Variants in PTPN11 observed in about 807,000 individuals in gnomAD.
PTPN11 encodes the protein protein tyrosine phosphatase non-receptor type 11, also known as tyrosine-protein phosphatase non-receptor type 11.
In PTPN11, 6 loss-of-function variants were observed where a neutral mutation model predicts 78.8. The ratio of observed to expected loss-of-function variants is 0.08; its 90% confidence interval spans 0.04 to 0.15. PTPN11 has a LOEUF of 0.15. PTPN11 is among the 10% of genes least tolerant of loss of function. The pLI, the probability that PTPN11 is intolerant of heterozygous loss-of-function variation, is 1.00. For synonymous variants in PTPN11, 221 were observed against 263.5 expected (o/e 0.84, Z 1.56); for missense variants, 386 against 744.8 (o/e 0.52, Z 5.61).
At chr12:112,429,481 CTT>C (rs1177861343) in intron 1 of PTPN11, among the ~76,000 whole-genome samples, 19 of 110,826 alleles carry the variant, frequency 1.7e-4, no homozygotes, top group African/African-American at 3.1e-4. Flanking sequence ...GTTGAAACTA[CTT>C]TTTTTTTTTT....
chr12:112,491,420 TA>T (rs2038743386), intron 13 of PTPN11, among the ~76,000 whole-genome samples: 1 of 152,208 alleles, frequency 6.6e-6, no homozygotes, highest in Admixed American at 6.5e-5. Flanking sequence ...TTTTAAAAAG[TA>T]AAATGTTTGT....
chr12:112,453,036 G>A (rs2038099923), intron 3 of PTPN11, among the ~76,000 whole-genome samples, 159 bp from the exon 4 acceptor site: 1 of 152,158 alleles, frequency 6.6e-6, no homozygotes, highest in African/African-American at 2.4e-5. Context: ...TGCATGGGAT[G>A]CAGATTTTCT....
At chr12:112,441,209 C>T (rs1358967223) in intron 1 of PTPN11, among the ~76,000 whole-genome samples, 1 of 151,694 alleles carries the variant, frequency 6.6e-6, no homozygotes, top group African/African-American at 2.4e-5. Context: ...GGTGATCCAC[C>T]TGCCTCGGCC....
intron 6 of PTPN11, among the ~76,000 whole-genome samples, chr12:112,460,644 C>G (rs1404034660): frequency 1.3e-5 from 2 of 151,964 alleles, no homozygotes; most frequent in East Asian, 3.9e-4. Flanking sequence ...GAGATCGAGA[C>G]CATCCTGGCC....
At chr12:112,446,646 C>T (rs1181766082) in intron 2 of PTPN11, among the ~76,000 whole-genome samples, 1 of 152,160 alleles carries the variant, frequency 6.6e-6, no homozygotes, top group African/African-American at 2.4e-5. Flanking sequence ...TTAAGCCCTC[C>T]AGTGCTTGAG....
intron 13 of PTPN11, among the ~76,000 whole-genome samples, chr12:112,489,453 G>C (rs2038719675): frequency 6.6e-6 from 1 of 152,196 alleles, no homozygotes; most frequent in Non-Finnish European, 1.5e-5. Flanking sequence ...GATGTTCTCA[G>C]GCTCATGTGG....
chr12:112,488,794 A>G (rs1483577311), intron 12 of PTPN11, among the ~76,000 whole-genome samples: 5 of 152,126 alleles, frequency 3.3e-5, no homozygotes, highest in African/African-American at 1.2e-4. Context: ...GTATGGGGTG[A>G]TTTGTTGGCA....
chr12:112,470,257 G>A (rs1361317721), intron 6 of PTPN11, among the ~76,000 whole-genome samples: 2 of 152,206 alleles, frequency 1.3e-5, no homozygotes, highest in South Asian at 2.1e-4. Context: ...CAGACCACAC[G>A]TGGAGTAGCC....
At chr12:112,481,135 A>G (rs972652345) in intron 9 of PTPN11, among the ~76,000 whole-genome samples, 3 of 152,172 alleles carry the variant, frequency 2.0e-5, no homozygotes, top group Non-Finnish European at 4.4e-5. Flanking sequence ...TCAAAACCCC[A>G]TGGGCTGCCT....
intron 6 of PTPN11, among the ~76,000 whole-genome samples, chr12:112,459,191 C>G (rs981950365): frequency 2.6e-5 from 4 of 152,118 alleles, no homozygotes; most frequent in Admixed American, 2.6e-4. Context: ...TTCATAAAGC[C>G]TCATGAGGTA....
chr12:112,494,997 G>A (rs1437584248), intron 13 of PTPN11, among the ~76,000 whole-genome samples: 1 of 152,152 alleles, frequency 6.6e-6, no homozygotes, highest in Non-Finnish European at 1.5e-5. Flanking sequence ...GGTTAGATAT[G>A]TTAAATGCAT....
At chr12:112,461,223 A>G (rs2038241405) in intron 6 of PTPN11, among the ~76,000 whole-genome samples, 1 of 151,948 alleles carries the variant, frequency 6.6e-6, no homozygotes, top group African/African-American at 2.4e-5. Flanking sequence ...TATGGTAGTG[A>G]TATTGTAATT....
Position 112,454,412 on chromosome 12 carries a change from A to T in PTPN11, c.526-152A>T, listed in dbSNP as rs985284254. 5.6e-6 allele frequency: 4 copies of T among 712,246 alleles called. No homozygotes were observed. The African/African-American group carries it at 7.0e-5, about 12-fold the overall frequency. The allele number at this position is 712,246 out of a possible 1,614,324, so 44.1% of individuals were successfully genotyped here. The stretch of plus-strand genomic sequence containing the variant: ...TGGAATTACTGGCGTGAGCCACTGC[A>T]CCCAGCCTATTATCTGTCTTTTGAT... On this transcript the variant is annotated intron_variant, in intron 4 of 15. Transcript: ENST00000351677.
At chr12:112,457,750 G>A (rs1413493160) in intron 6 of PTPN11, among the ~76,000 whole-genome samples, 1 of 152,180 alleles carries the variant, frequency 6.6e-6, no homozygotes, top group African/African-American at 2.4e-5. Flanking sequence ...TCCCTGATGG[G>A]AATGTGCTGT....
Position 112,418,970 on chromosome 12 carries a change from G to GA in PTPN11, c.-141dup. On this transcript the variant is annotated 5_prime_UTR_variant, in exon 1 of 16. Transcript: ENST00000351677. ...ACAGTCTCCGGGATCCCCAGGCCTGGAGGGGGGTCTGTGCGCGGCCGGCTG... is the reference window on the plus strand; with the variant it reads ...ACAGTCTCCGGGATCCCCAGGCCTGGAAGGGGGGTCTGTGCGCGGCCGGCTG... The GA allele has an allele frequency of 9.9e-7, 1 of 1,012,406 alleles. No individual in the cohort carries two copies. Among genetic ancestry groups the GA allele is most frequent in the Non-Finnish European group, 1.5e-6 (1 of 682,144 alleles). 62.7% of individuals were successfully genotyped at this position (1,012,406 alleles called of 1,614,324 possible). A position where few individuals can be genotyped will look rare whatever the true frequency, so the allele number is the denominator to read the frequency against.
chr12:112,467,734 A>AT (rs2038353028), intron 6 of PTPN11, among the ~76,000 whole-genome samples: 2 of 152,122 alleles, frequency 1.3e-5, no homozygotes, highest in African/African-American at 4.8e-5. Flanking sequence ...ATCTCAAGTA[A>AT]TCCGCCTGCC....
chr12:112,441,977 C>G (rs1267038340), intron 1 of PTPN11, among the ~76,000 whole-genome samples: 1 of 151,704 alleles, frequency 6.6e-6, no homozygotes, highest in Non-Finnish European at 1.5e-5. Context: ...GGGGGTTTCA[C>G]TGTGTTAGCC....
intron 11 of PTPN11, among the ~76,000 whole-genome samples, chr12:112,487,203 T>C (rs994413864): frequency 6.6e-6 from 1 of 151,902 alleles, no homozygotes; most frequent in Non-Finnish European, 1.5e-5. Flanking sequence ...GGTGCCATCT[T>C]GGCTCACTGC....
chr12:112,505,126 T>G (rs951331097), intron 15 of PTPN11, among the ~76,000 whole-genome samples: 20 of 152,128 alleles, frequency 1.3e-4, no homozygotes, highest in African/African-American at 4.8e-4. Flanking sequence ...TGGGGGATGA[T>G]CTGTAGGGAT....
Sources: gnomAD v4.1 joint callset for allele counts (sites outside exome capture counted in the v4.1 genomes callset) on GRCh38, gnomAD v4.1.1 for gene constraint, MANE v1.5 for transcripts, NCBI Gene and HGNC (gene_info 2026-07-23, HGNC 2026-07-21) for gene names.